Variants in NRG3 observed in about 807,000 individuals in gnomAD.
NRG3 encodes the protein pro-neuregulin-3, membrane-bound isoform.
NRG3 carries 31 observed loss-of-function variants against 66.9 expected under a neutral mutation model. The ratio of observed to expected loss-of-function variants is 0.46; its 90% CI spans 0.35 to 0.63. The LOEUF (loss-of-function observed/expected upper bound fraction) is 0.63, where lower values mean the gene tolerates loss of function less well. Among genes scored for constraint, NRG3 ranks in the 20% least tolerant of loss-of-function variants. The probability of loss-of-function intolerance (pLI) is 0.00; values close to 1 mark genes in which losing one functional copy is unlikely to be tolerated. For missense variants in NRG3, 910 were observed against 878.9 expected, an observed-to-expected ratio of 1.04 and a Z score of -0.45; for synonymous variants, 393 against 359.4, an observed-to-expected ratio of 1.09 and a Z score of -1.06.
intron 1 of NRG3, among the ~76,000 whole-genome samples, chr10:81,942,381 A>T (rs1267211460): frequency 1.3e-5 from 2 of 152,134 alleles, no homozygotes. Flanking sequence ...TTTTGATGTA[A>T]GTAGGACTCA....
chr10:82,514,823 C>T (rs1845503111), intron 2 of NRG3, among the ~76,000 whole-genome samples: 1 of 152,124 alleles, frequency 6.6e-6, no homozygotes, highest in African/African-American at 2.4e-5. Context: ...GCCATTTTCA[C>T]AAGGATATGG....
At chr10:82,904,195 A>G (rs1032766682) in intron 4 of NRG3, among the ~76,000 whole-genome samples, 25 of 152,122 alleles carry the variant, frequency 1.6e-4, no homozygotes, top group African/African-American at 5.8e-4. Flanking sequence ...TTAAAACATC[A>G]TGAGTCTTTT....
intron 3 of NRG3, among the ~76,000 whole-genome samples, chr10:82,746,182 G>A (rs990504963): frequency 2.0e-5 from 3 of 152,170 alleles, no homozygotes; most frequent in African/African-American, 7.2e-5. Context: ...TTGAGCCACT[G>A]TGCCAGACTT....
intron 2 of NRG3, among the ~76,000 whole-genome samples, chr10:82,396,888 G>T (rs1376475014): frequency 6.6e-6 from 1 of 152,070 alleles, no homozygotes; most frequent in Non-Finnish European, 1.5e-5. Context: ...ATAGCTGCTG[G>T]ATATGGTCAC....
intron 2 of NRG3, among the ~76,000 whole-genome samples, chr10:82,582,662 TTG>T (rs141112949): frequency 0.11 from 15,582 of 146,076 alleles, 1,397 homozygotes; most frequent in African/African-American, 0.23. Context: ...TCTATATGTG[TTG>T]TGTGTGTGTG....
intron 1 of NRG3, among the ~76,000 whole-genome samples, chr10:82,252,060 C>CTG (rs1564712695): frequency 6.6e-6 from 1 of 152,216 alleles, no homozygotes; most frequent in African/African-American, 2.4e-5. Flanking sequence ...GACTCAGAGA[C>CTG]TGAGGCCTTC....
chr10:82,410,948 T>C (rs1189043525), intron 2 of NRG3, among the ~76,000 whole-genome samples: 1 of 152,172 alleles, frequency 6.6e-6, no homozygotes, highest in Non-Finnish European at 1.5e-5. Context: ...TTTCTGATTT[T>C]ACTTATCACC....
intron 2 of NRG3, among the ~76,000 whole-genome samples, chr10:82,617,339 G>GAC (rs112770194): frequency 5.8e-4 from 84 of 144,144 alleles, no homozygotes; most frequent in Middle Eastern, 7.2e-3. Context: ...CACACACACA[G>GAC]ACACACACAC....
chr10:82,840,370 C>G (rs1387182819), intron 3 of NRG3, among the ~76,000 whole-genome samples: 1 of 152,042 alleles, frequency 6.6e-6, no homozygotes, highest in Non-Finnish European at 1.5e-5. Context: ...TACTTTGTTT[C>G]CCATAGCACT....
intron 2 of NRG3, among the ~76,000 whole-genome samples, chr10:82,373,738 G>A (rs145336954): frequency 6.2e-4 from 94 of 152,230 alleles, no homozygotes; most frequent in Non-Finnish European, 1.1e-3. Context: ...GTTCTCCTGT[G>A]CTAATTTATA....
intron 2 of NRG3, among the ~76,000 whole-genome samples, chr10:82,611,662 C>G (rs538951083): frequency 3.1e-4 from 47 of 152,294 alleles, no homozygotes; most frequent in African/African-American, 1.1e-3. Flanking sequence ...TTAATCCAGT[C>G]TATCATTGAT....
At chr10:82,458,713 A>G (rs901153061) in intron 2 of NRG3, among the ~76,000 whole-genome samples, 2 of 152,182 alleles carry the variant, frequency 1.3e-5, no homozygotes, top group African/African-American at 4.8e-5. Flanking sequence ...TCCAAAGCCT[A>G]CACCCAACCT....
In NRG3 at chr10:82,671,113, A is replaced by G. The variant is rs534584112; in HGVS notation, c.954-67464A>G. ...CAATATGTTGCCAGTCCATGCACAT[A>G]GCTCCTCCTCCCACACCCCAAGGTC... On this transcript the variant is annotated intron_variant, in intron 2 of 8. Transcript: ENST00000372141. Among the ~76,000 whole-genome samples, 13 of 152,260 alleles carry G rather than the reference A, an allele frequency of 8.5e-5. 1 individual carries two copies. In the South Asian group the frequency reaches 2.7e-3, roughly 32 times the overall value.
chr10:82,063,710 G>C (rs923483778), intron 1 of NRG3, among the ~76,000 whole-genome samples: 1 of 151,930 alleles, frequency 6.6e-6, no homozygotes, highest in Non-Finnish European at 1.5e-5. Flanking sequence ...AAGAACTAAA[G>C]AAAGGAACTA....
intron 2 of NRG3, among the ~76,000 whole-genome samples, chr10:82,364,248 A>G (rs944390485): frequency 6.6e-6 from 1 of 152,174 alleles, no homozygotes; most frequent in Non-Finnish European, 1.5e-5. Context: ...ATTAAGCACT[A>G]CTAAGTCTAT....
chr10:82,153,118 T>C (rs1296496730), intron 1 of NRG3, among the ~76,000 whole-genome samples: 1 of 152,242 alleles, frequency 6.6e-6, no homozygotes, highest in Non-Finnish European at 1.5e-5. Flanking sequence ...AATATATTTT[T>C]ATCAGCTATG....
intron 1 of NRG3, among the ~76,000 whole-genome samples, chr10:82,154,760 G>T (rs2071059192): frequency 1.3e-5 from 2 of 150,686 alleles, no homozygotes; most frequent in Admixed American, 1.3e-4. Context: ...ATTTTTTTTG[G>T]TTTTCACTTC....
At position 82,524,201 on chromosome 10, in the gene NRG3, G is replaced by A. The variant is rs1035473648; in HGVS notation, c.953+165333G>A. ...TGTATCATCTCCAATAGTAACCCAC[G>A]AGCCATCTAATAGCAATTTCAGAAT... is the stretch of plus-strand genomic sequence containing the variant. On this transcript the variant is annotated intron_variant, in intron 2 of 8. Coordinates refer to ENST00000372141, the MANE Select transcript of NRG3 (RefSeq NM_001010848.4). 3.3e-5 allele frequency among the ~76,000 whole-genome samples: 5 copies of A among 152,032 alleles called. No homozygotes were observed. The South Asian group carries it at 8.3e-4, about 25-fold the overall frequency.
chr10:82,788,846 G>A (rs1021448223), intron 3 of NRG3, among the ~76,000 whole-genome samples: 7 of 151,628 alleles, frequency 4.6e-5, no homozygotes, highest in Non-Finnish European at 7.4e-5. Context: ...TTAGGGTAAC[G>A]TATTAAATAT....
Sources: allele counts gnomAD v4.1 joint callset (sites outside exome capture counted in the v4.1 genomes callset), GRCh38; gene constraint gnomAD v4.1.1; transcripts MANE v1.5; gene names NCBI Gene and HGNC (gene_info 2026-07-23, HGNC 2026-07-21).